Variants in GMDS observed in about 807,000 individuals in gnomAD.
GMDS encodes the protein GDP-mannose 4,6-dehydratase, also known as GDP-mannose 4,6 dehydratase.
A neutral mutation model predicts 49.9 loss-of-function variants in GMDS; 20 were observed. The ratio of observed to expected loss-of-function variants is 0.40; its 90% CI spans 0.28 to 0.58. The LOEUF is 0.58. Among genes scored for constraint, GMDS ranks in the 20% least tolerant of loss-of-function variants. GMDS has a pLI of 0.42. For synonymous variants in GMDS, 177 were observed against 178.6 expected, an observed-to-expected ratio of 0.99 and a Z score of 0.07; for missense variants, 362 against 481.4, an observed-to-expected ratio of 0.75 and a Z score of 2.32.
At chr6:2,105,334 G>A (rs1423704559) in intron 4 of GMDS, among the ~76,000 whole-genome samples, 1 of 151,590 alleles carries the variant, frequency 6.6e-6, no homozygotes, top group South Asian at 2.1e-4. Context: ...CATAATAATC[G>A]ACTAACTTCT....
At chr6:2,140,068 AG>A (rs1776211295) in intron 1 of GMDS, among the ~76,000 whole-genome samples, 1 of 152,204 alleles carries the variant, frequency 6.6e-6, no homozygotes, top group African/African-American at 2.4e-5. Context: ...CAAAAGACAC[AG>A]CCACATCCTC....
rs1481760453 is a variant in GMDS at position 2,195,831 on chromosome 6, A to AAAAAGTT, written c.102+49483_102+49489dup. Among the ~76,000 whole-genome samples, 48 of 151,246 alleles carry AAAAAGTT rather than the reference A, an allele frequency of 3.2e-4. 1 individual carries two copies. The highest frequency in any genetic ancestry group is 9.9e-4 in the African/African-American group (41 of 41,492). ...GACCTTGTCTCTACCAAAAAAAAAA[A>AAAAAGTT]AAAAGTTAATAAAAATAAATATATA... On this transcript the variant is annotated intron_variant, in intron 1 of 10. Coordinates refer to ENST00000380815, the MANE Select transcript of GMDS (RefSeq NM_001500.4).
chr6:2,148,310 A>G (rs1334417817), intron 1 of GMDS, among the ~76,000 whole-genome samples: 1 of 152,240 alleles, frequency 6.6e-6, no homozygotes, highest in Admixed American at 6.5e-5. Context: ...TCAGTGATTC[A>G]ACATGCACCT....
intron 1 of GMDS, among the ~76,000 whole-genome samples, chr6:2,147,137 T>C (rs1430439027): frequency 2.0e-5 from 3 of 152,216 alleles, no homozygotes; most frequent in Non-Finnish European, 4.4e-5. Context: ...TATTTTCTTT[T>C]ACTATTGTAG....
intron 4 of GMDS, among the ~76,000 whole-genome samples, chr6:2,077,497 G>A (rs532070801): frequency 6.6e-6 from 1 of 152,220 alleles, no homozygotes; most frequent in Admixed American, 6.5e-5. Context: ...ATGAAGGGAT[G>A]CTGAATTTTA....
intron 4 of GMDS, among the ~76,000 whole-genome samples, chr6:2,103,498 G>A (rs752253107): frequency 6.6e-6 from 1 of 152,104 alleles, no homozygotes; most frequent in African/African-American, 2.4e-5. Flanking sequence ...AAAATAGAGG[G>A]TAGGAGAAAT....
chr6:2,244,444 C>T (rs1404524508), intron 1 of GMDS, among the ~76,000 whole-genome samples: 2 of 152,238 alleles, frequency 1.3e-5, no homozygotes, highest in Admixed American at 1.3e-4. Context: ...CCCAGGAGCA[C>T]ACACATCACA....
intron 4 of GMDS, among the ~76,000 whole-genome samples, chr6:1,987,655 A>G (rs1396438246): frequency 6.6e-6 from 1 of 152,202 alleles, no homozygotes; most frequent in Non-Finnish European, 1.5e-5. Flanking sequence ...ACTATGGGGG[A>G]AAAAAGCTGG....
At chr6:2,076,366 A>C (rs2127463599) in intron 4 of GMDS, among the ~76,000 whole-genome samples, 1 of 152,192 alleles carries the variant, frequency 6.6e-6, no homozygotes. Flanking sequence ...TGCCATCCCC[A>C]TCAAGCTACC....
chr6:1,705,806 G>A (rs1312506858), intron 9 of GMDS, among the ~76,000 whole-genome samples: 3 of 152,182 alleles, frequency 2.0e-5, no homozygotes, highest in Non-Finnish European at 4.4e-5. Flanking sequence ...GTAGCTTCAG[G>A]AGAGTTTGGG....
intron 1 of GMDS, among the ~76,000 whole-genome samples, chr6:2,170,778 G>A (rs896189159): frequency 3.0e-4 from 45 of 152,144 alleles, no homozygotes; most frequent in African/African-American, 9.4e-4. Flanking sequence ...GGTGGATCAC[G>A]AGGTCAGGAG....
At chr6:1,849,978 C>T (rs76736392) in intron 7 of GMDS, among the ~76,000 whole-genome samples, 4,284 of 152,260 alleles carry the variant, frequency 0.028, 197 homozygotes, top group African/African-American at 0.097. Flanking sequence ...GAGCTTTTTA[C>T]ACCTGAAGAC....
chr6:2,116,269 T>C (rs1774843930), intron 3 of GMDS, among the ~76,000 whole-genome samples: 1 of 152,008 alleles, frequency 6.6e-6, no homozygotes, highest in Admixed American at 6.5e-5. Flanking sequence ...ACACTGATGA[T>C]GATGAAGACA....
intron 7 of GMDS, among the ~76,000 whole-genome samples, chr6:1,762,420 T>A (rs771675806): frequency 6.6e-6 from 1 of 152,250 alleles, no homozygotes; most frequent in Non-Finnish European, 1.5e-5. Context: ...CAGAGCTGGC[T>A]GCCAGGGCAG....
intron 7 of GMDS, among the ~76,000 whole-genome samples, chr6:1,928,902 G>A (rs929705189): frequency 6.6e-6 from 1 of 152,216 alleles, no homozygotes; most frequent in Admixed American, 6.5e-5. Context: ...CTGGGAGGCC[G>A]AGGTTGTAGT....
intron 9 of GMDS, among the ~76,000 whole-genome samples, chr6:1,710,108 G>A (rs773397132): frequency 2.6e-5 from 4 of 152,190 alleles, no homozygotes; most frequent in Non-Finnish European, 5.9e-5. Flanking sequence ...GTCAGAGCCC[G>A]TGCTACAGCT....
intron 1 of GMDS, among the ~76,000 whole-genome samples, chr6:2,201,761 G>C (rs1465400528): frequency 2.3e-5 from 3 of 128,770 alleles, no homozygotes; most frequent in African/African-American, 8.8e-5. Context: ...GAAGGATGAA[G>C]ACAGAGCACC....
At chr6:1,629,968 TCA>T (rs1762951346) in intron 9 of GMDS, among the ~76,000 whole-genome samples, 1 of 152,168 alleles carries the variant, frequency 6.6e-6, no homozygotes, top group Non-Finnish European at 1.5e-5. Context: ...TGCCTACTTG[TCA>T]ATAAAGCTTA....
intron 7 of GMDS, among the ~76,000 whole-genome samples, chr6:1,886,749 A>G (rs1759626148): frequency 6.6e-6 from 1 of 152,252 alleles, no homozygotes; most frequent in African/African-American, 2.4e-5. Flanking sequence ...AATAAGAATT[A>G]GATTTGACTC....
Sources: allele counts gnomAD v4.1 joint callset (sites outside exome capture counted in the v4.1 genomes callset), GRCh38; gene constraint gnomAD v4.1.1; transcripts MANE v1.5; gene names NCBI Gene and HGNC (gene_info 2026-07-23, HGNC 2026-07-21).